ARHGEF10L: variants seen among roughly 807,000 people sequenced by gnomAD.
ARHGEF10L encodes the protein Rho guanine nucleotide exchange factor 10 like, also known as rho guanine nucleotide exchange factor 10-like protein.
Under a neutral mutation model 141.2 loss-of-function variants are expected in ARHGEF10L, and 69 were observed. The ratio of observed to expected loss-of-function variants is 0.49; its 90% CI spans 0.40 to 0.60. The LOEUF is 0.60. Among genes scored for constraint, ARHGEF10L ranks in the 20% least tolerant of loss-of-function variants. The pLI is 0.00. For missense variants in ARHGEF10L, 1,482 were observed against 1,734.3 expected (o/e 0.85, Z 2.58); for synonymous variants, 711 against 718.5 (o/e 0.99, Z 0.17).
intron 25 of ARHGEF10L, among the ~76,000 whole-genome samples, chr1:17,660,542 C>G (rs1298923131): frequency 6.6e-6 from 1 of 152,218 alleles, no homozygotes; most frequent in Non-Finnish European, 1.5e-5. Flanking sequence ...TTTACTGTCA[C>G]CAGGCAGGGG....
intron 1 of ARHGEF10L, among the ~76,000 whole-genome samples, chr1:17,579,001 G>C (rs2078347853): frequency 6.6e-6 from 1 of 152,056 alleles, no homozygotes; most frequent in African/African-American, 2.4e-5. Context: ...GGGCAACCAG[G>C]GTGGGAGGTT....
chr1:17,615,049 C>T lies in ARHGEF10L; in HGVS notation c.727-1045C>T, dbSNP rs182628790. Reference sequence around the variant, plus strand: ...ACTGCACTGTCCATTATGATAGCCACGTGGCTCTTTAAATGGAAATTAACT... The same window carrying T: ...ACTGCACTGTCCATTATGATAGCCATGTGGCTCTTTAAATGGAAATTAACT... On this transcript the variant is annotated intron_variant, in intron 8 of 28. Transcript: ENST00000361221. The surrounding 1 kb of genome is among the most constrained non-coding windows in gnomAD (Gnocchi z 4.7). 30 of 152,320 alleles carry T rather than the reference C, an allele frequency of 2.0e-4. No individual in the cohort carries two copies. The highest frequency in any genetic ancestry group is 1.4e-3 in the East Asian group (7 of 5,182). The allele number at this position is 152,320 out of a possible 1,614,324, so 9.4% of individuals were successfully genotyped here.
chr1:17,564,179 CT>C (rs1056844954), intron 1 of ARHGEF10L, among the ~76,000 whole-genome samples: 7 of 152,204 alleles, frequency 4.6e-5, no homozygotes, highest in Non-Finnish European at 8.8e-5. Context: ...CAGGTCACCC[CT>C]GCCTGGGTGC....
chr1:17,680,320 G>A (rs1486851207), intron 26 of ARHGEF10L, among the ~76,000 whole-genome samples: 1 of 152,236 alleles, frequency 6.6e-6, no homozygotes, highest in Non-Finnish European at 1.5e-5. Context: ...GCCCCTTGGC[G>A]ACATCTCAGC....
At chr1:17,527,329 A>T in the ARHGEF10L span, among the ~76,000 whole-genome samples, 2 of 152,192 alleles carry the variant, frequency 1.3e-5, no homozygotes, top group Non-Finnish European at 2.9e-5. Flanking sequence ...CTTTTAATAC[A>T]CCAGAGAATA....
chr1:17,679,086 C>T (rs1175047138), intron 26 of ARHGEF10L, among the ~76,000 whole-genome samples: 2 of 152,206 alleles, frequency 1.3e-5, no homozygotes, highest in Non-Finnish European at 2.9e-5. Flanking sequence ...TCGCTCCATC[C>T]CTTGCAGGCT....
intron 4 of ARHGEF10L, among the ~76,000 whole-genome samples, chr1:17,589,004 A>T (rs1168010940): frequency 6.6e-6 from 1 of 151,760 alleles, no homozygotes; most frequent in Non-Finnish European, 1.5e-5. Flanking sequence ...TTCCTATGAC[A>T]GTTGCTATTA....
At chr1:17,608,737 A>G (rs1224597689) in intron 7 of ARHGEF10L, among the ~76,000 whole-genome samples, 1 of 151,990 alleles carries the variant, frequency 6.6e-6, no homozygotes, top group Non-Finnish European at 1.5e-5. Context: ...ACAGGCCCTG[A>G]CTGAGCAGAG....
At chr1:17,561,593 C>A (rs898882868) in intron 1 of ARHGEF10L, among the ~76,000 whole-genome samples, 9 of 152,252 alleles carry the variant, frequency 5.9e-5, no homozygotes, top group African/African-American at 9.6e-5. Flanking sequence ...GGCTGACCCC[C>A]AGCCTGAGGC....
chr1:17,589,053 A>G (rs1478503140), intron 4 of ARHGEF10L, among the ~76,000 whole-genome samples: 1 of 152,124 alleles, frequency 6.6e-6, no homozygotes, highest in Non-Finnish European at 1.5e-5. Context: ...TGTCAGAGGC[A>G]GTGTAGCCTA....
intron 27 of ARHGEF10L, chr1:17,694,436 CCT>C (rs1200925295): frequency 1.2e-5 from 2 of 164,274 alleles, no homozygotes; most frequent in Non-Finnish European, 2.7e-5. Context: ...CACCTGGCAT[CCT>C]CTCTGTTAGG....
Position 17,558,188 on chromosome 1 carries a change from CCCATCCATCCAT to C in ARHGEF10L, c.-44+18253_-44+18264del, listed in dbSNP as rs765339083. Among the ~76,000 whole-genome samples, 7 of 151,542 alleles carry C rather than the reference CCCATCCATCCAT, an allele frequency of 4.6e-5. No homozygotes were observed. The highest frequency in any genetic ancestry group is 9.7e-5 in the African/African-American group (4 of 41,228). On this transcript the variant is annotated intron_variant, in intron 1 of 28. Transcript: ENST00000361221. This position sits in a 1 kb window ranked among gnomAD's most constrained non-coding sequence, Gnocchi z 4.2. The stretch of plus-strand genomic sequence containing the variant: ...ATCTATGCATCCATCCATCCATCCA[CCCATCCATCCAT>C]CCATCCATCCATCCGCCTGCCCATC...
chr1:17,515,376 C>T, the ARHGEF10L span, among the ~76,000 whole-genome samples: 1 of 151,400 alleles, frequency 6.6e-6, no homozygotes, highest in African/African-American at 2.4e-5. Flanking sequence ...TCACTGCAAC[C>T]TCTGCCTTCT....
At chr1:17,668,976 G>C (rs2063150412) in intron 26 of ARHGEF10L, among the ~76,000 whole-genome samples, 1 of 152,164 alleles carries the variant, frequency 6.6e-6, no homozygotes, top group Non-Finnish European at 1.5e-5. Context: ...GCCAGGCCTG[G>C]GGGAGCCGCC....
At chr1:17,649,661 G>C (rs2061799578) in intron 22 of ARHGEF10L, among the ~76,000 whole-genome samples, 1 of 152,202 alleles carries the variant, frequency 6.6e-6, no homozygotes, top group Admixed American at 6.5e-5. Flanking sequence ...CTAGCAGGGA[G>C]AGAGAGAGGC....
intron 16 of ARHGEF10L, among the ~76,000 whole-genome samples, chr1:17,633,544 G>C (rs1326669002): frequency 6.6e-6 from 1 of 151,822 alleles, no homozygotes; most frequent in Non-Finnish European, 1.5e-5. Context: ...TTAGAGAGGG[G>C]TTTCACCATG....
chr1:17,617,414 C>T (rs2059869438), intron 9 of ARHGEF10L, among the ~76,000 whole-genome samples: 1 of 152,210 alleles, frequency 6.6e-6, no homozygotes. Context: ...GTCCATTCCT[C>T]TGGAGAATGT....
At chr1:17,692,270 C>T (rs1222458166) in intron 27 of ARHGEF10L, among the ~76,000 whole-genome samples, 1 of 152,102 alleles carries the variant, frequency 6.6e-6, no homozygotes, top group African/African-American at 2.4e-5. Context: ...GCCTAGTTTG[C>T]ATTTCCACAT....
At chr1:17,523,385 G>A in the ARHGEF10L span, among the ~76,000 whole-genome samples, 1 of 151,902 alleles carries the variant, frequency 6.6e-6, no homozygotes, top group African/African-American at 2.4e-5. Context: ...CACCGCGCCC[G>A]GCCCACCATT....
Sources: allele counts gnomAD v4.1 joint callset (sites outside exome capture counted in the v4.1 genomes callset), GRCh38; gene constraint gnomAD v4.1.1; non-coding constraint Gnocchi (gnomAD v3.1); transcripts MANE v1.5; gene names NCBI Gene and HGNC (gene_info 2026-07-23, HGNC 2026-07-21).